The following KAT6B variants were observed in gnomAD, a reference collection of about 807,000 sequenced individuals.
KAT6B encodes the protein histone acetyltransferase KAT6B.
KAT6B carries 10 observed loss-of-function variants against 187.5 expected under a neutral mutation model. The ratio of observed to expected loss-of-function variants is 0.05; its 90% CI spans 0.03 to 0.09. KAT6B has a LOEUF of 0.09. Among genes scored for constraint, KAT6B ranks in the 10% least tolerant of loss-of-function variants. KAT6B has a pLI of 1.00. For missense variants in KAT6B, 1,952 were observed against 2,558.9 expected (o/e 0.76, Z 5.12); for synonymous variants, 861 against 926.8 (o/e 0.93, Z 1.29).
chr10:74,987,472 G>C (rs921530309), intron 12 of KAT6B, among the ~76,000 whole-genome samples: 14 of 152,116 alleles, frequency 9.2e-5, no homozygotes. Flanking sequence ...ATTCTCATGT[G>C]TCAGCTGGAA....
In KAT6B at chr10:74,906,711, G is replaced by A. The variant is rs560142809; in HGVS notation, c.622-53259G>A. 3.3e-5 allele frequency among the ~76,000 whole-genome samples: 5 copies of A among 152,232 alleles called. No individual in the cohort carries two copies. The East Asian group carries it at 7.7e-4, about 23-fold the overall frequency. On this transcript the variant is annotated intron_variant, in intron 3 of 17. Coordinates refer to ENST00000287239, the MANE Select transcript of KAT6B (RefSeq NM_012330.4). ...GAGACCAGAGTGAGCAGACTTCTTC[G>A]TGAAAACCTGAGCTTGGGAGTTGGG...
chr10:74,893,485 T>C (rs779020211), intron 3 of KAT6B, among the ~76,000 whole-genome samples: 7 of 152,114 alleles, frequency 4.6e-5, no homozygotes, highest in Non-Finnish European at 1.0e-4. Flanking sequence ...TGTTTTTTTT[T>C]AAAGACAGAG....
intron 3 of KAT6B, among the ~76,000 whole-genome samples, chr10:74,896,951 T>C (rs1360710834): frequency 6.6e-6 from 1 of 152,224 alleles, no homozygotes; most frequent in Non-Finnish European, 1.5e-5. Flanking sequence ...TTCTGTTAAA[T>C]CCCTTATAGT....
At chr10:74,977,523 A>C in intron 9 of KAT6B, 86 bp downstream of exon 9, 1 of 1,489,408 alleles carries the variant, frequency 6.7e-7, no homozygotes, top group African/African-American at 1.4e-5. Flanking sequence ...GATTTTATAG[A>C]GAATCCCTTT....
chr10:74,957,559 T>C (rs1250338765), intron 3 of KAT6B, among the ~76,000 whole-genome samples: 1 of 152,232 alleles, frequency 6.6e-6, no homozygotes, highest in Non-Finnish European at 1.5e-5. Flanking sequence ...AGCTAAAAAT[T>C]CATCTGGGAA....
chr10:74,841,166 A>G (rs1841718375), intron 2 of KAT6B, among the ~76,000 whole-genome samples: 1 of 152,216 alleles, frequency 6.6e-6, no homozygotes, highest in Non-Finnish European at 1.5e-5. Context: ...GGGTTCCTCC[A>G]CTGGACATTG....
chr10:75,021,841 T>C, intron 15 of KAT6B, 40 bp from the exon 16 acceptor site: 1 of 1,611,346 alleles, frequency 6.2e-7, no homozygotes, highest in Non-Finnish European at 8.5e-7. Context: ...GCTGTGTAAC[T>C]GCCCTCTCAC....
intron 3 of KAT6B, among the ~76,000 whole-genome samples, chr10:74,901,617 C>A (rs918773088): frequency 6.6e-6 from 1 of 152,004 alleles, no homozygotes; most frequent in African/African-American, 2.4e-5. Flanking sequence ...AGTGCTTGAC[C>A]TTGTTCAAAC....
chr10:74,882,600 A>G (rs1844929841), intron 3 of KAT6B, among the ~76,000 whole-genome samples: 1 of 152,252 alleles, frequency 6.6e-6, no homozygotes. Context: ...ACGTTTTTCC[A>G]GACCTATTTC....
chr10:74,989,002 G>C lies in KAT6B; in HGVS notation c.2536-17G>C. 1 of 1,577,850 alleles carries C rather than the reference G, an allele frequency of 6.3e-7. No homozygotes were observed. The highest frequency in any genetic ancestry group is 8.7e-7 in the Non-Finnish European group (1 of 1,147,020). On this transcript the variant is annotated splice_polypyrimidine_tract_variant and intron_variant, in intron 12 of 17. Transcript: ENST00000287239. ...AGCAGGGCTCTGACATACTTGATCT[G>C]TTTCTCCTTCCCTCAGGAAAAGCTT...
chr10:74,964,357 A>G (rs1355337714), intron 4 of KAT6B, among the ~76,000 whole-genome samples: 1 of 152,162 alleles, frequency 6.6e-6, no homozygotes, highest in East Asian at 1.9e-4. Context: ...ACACCAAATA[A>G]TTTCTCTTAG....
chr10:74,902,399 G>A (rs1226559488), intron 3 of KAT6B, among the ~76,000 whole-genome samples: 1 of 152,166 alleles, frequency 6.6e-6, no homozygotes, highest in Non-Finnish European at 1.5e-5. Context: ...GGAAAGATTA[G>A]TTGGGGCAAA....
At position 74,906,395 on chromosome 10, in the gene KAT6B, CA is replaced by C. The variant is rs949310151; in HGVS notation, c.622-53565del. On this transcript the variant is annotated intron_variant, in intron 3 of 17. Transcript: ENST00000287239. ...AGCCTGGGTGATAGGGACTCCACCTCAAAAAAAAAATCTTTTTTTTCCCTTT... is the reference window on the plus strand; with the variant it reads ...AGCCTGGGTGATAGGGACTCCACCTCAAAAAAAAATCTTTTTTTTCCCTTT... Among the ~76,000 whole-genome samples, 11 of 148,432 alleles carry C rather than the reference CA, an allele frequency of 7.4e-5. No individual in the cohort carries two copies. The East Asian group carries it at 9.8e-4, about 13-fold the overall frequency.
At chr10:74,944,294 A>C (rs1030901328) in intron 3 of KAT6B, among the ~76,000 whole-genome samples, 1 of 152,196 alleles carries the variant, frequency 6.6e-6, no homozygotes, top group African/African-American at 2.4e-5. Context: ...TATCTTGGCC[A>C]GTGTGATTCT....
chr10:74,963,843 G>T (rs960693437), intron 4 of KAT6B, among the ~76,000 whole-genome samples: 2 of 152,094 alleles, frequency 1.3e-5, no homozygotes, highest in African/African-American at 4.8e-5. Flanking sequence ...AAGAAAAGAG[G>T]CCAGGCGCTG....
At chr10:74,856,141 A>G (rs573918890) in intron 3 of KAT6B, among the ~76,000 whole-genome samples, 1 of 152,222 alleles carries the variant, frequency 6.6e-6, no homozygotes, top group East Asian at 1.9e-4. Context: ...GCTGGGGTGC[A>G]GTGGTATGAT....
In KAT6B at chr10:74,845,775, T is replaced by C. The variant is rs73284064; in HGVS notation, c.621+2297T>C. ...AAAAGTTATGCTCCTCTTGTTTGGA[T>C]ACCATGAACCCTTGAAATGGAACCT... On this transcript the variant is annotated intron_variant, in intron 3 of 17. Transcript: ENST00000287239. Among the ~76,000 whole-genome samples, 435 of 150,512 alleles carry C rather than the reference T, an allele frequency of 2.9e-3. 1 individual carries two copies. Among genetic ancestry groups the C allele is most frequent in the African/African-American group, 0.01 (422 of 41,290 alleles).
chr10:74,881,745 C>G (rs1025214647), intron 3 of KAT6B, among the ~76,000 whole-genome samples: 1 of 152,154 alleles, frequency 6.6e-6, no homozygotes, highest in Non-Finnish European at 1.5e-5. Flanking sequence ...CTTTGAACTC[C>G]TGGACTCCAG....
intron 3 of KAT6B, among the ~76,000 whole-genome samples, chr10:74,891,229 G>A (rs961147733): frequency 2.6e-5 from 4 of 152,248 alleles, no homozygotes; most frequent in African/African-American, 9.6e-5. Flanking sequence ...GCTCGACCTT[G>A]ATGTTAGCTG....
Sources: gnomAD v4.1 joint callset for allele counts (sites outside exome capture counted in the v4.1 genomes callset) on GRCh38, gnomAD v4.1.1 for gene constraint, MANE v1.5 for transcripts, NCBI Gene and HGNC (gene_info 2026-07-23, HGNC 2026-07-21) for gene names.